ELMO1: variants seen among roughly 807,000 people sequenced by gnomAD.
ELMO1 encodes engulfment and cell motility 1.
ELMO1 carries 26 observed loss-of-function variants against 98.9 expected under a neutral mutation model. That is an observed-to-expected ratio of 0.26 (90% CI 0.19 to 0.36). ELMO1 has a LOEUF of 0.36. ELMO1 is among the 10% of genes least tolerant of loss of function. The pLI, the probability that ELMO1 is intolerant of heterozygous loss-of-function variation, is 1.00. For synonymous variants in ELMO1, 346 were observed against 346.0 expected (o/e 1.00, Z 0.00); for missense variants, 627 against 935.2 (o/e 0.67, Z 4.30).
intron 15 of ELMO1, among the ~76,000 whole-genome samples, chr7:37,037,514 T>A (rs1795256795): frequency 6.6e-6 from 1 of 152,162 alleles, no homozygotes; most frequent in Non-Finnish European, 1.5e-5. Flanking sequence ...TAGGAAGCAG[T>A]GCCAGGAATC....
intron 1 of ELMO1, among the ~76,000 whole-genome samples, chr7:37,444,958 ACGT>A (rs1461353715): frequency 1.3e-5 from 2 of 152,242 alleles, no homozygotes; most frequent in African/African-American, 2.4e-5. Context: ...GCCCTCTAGA[ACGT>A]CGTCATCAGA....
intron 16 of ELMO1, among the ~76,000 whole-genome samples, chr7:36,900,022 T>C (rs1051799193): frequency 3.3e-5 from 5 of 152,200 alleles, no homozygotes; most frequent in Admixed American, 1.3e-4. Flanking sequence ...GGACAGGGTA[T>C]TCCTGGGCCA....
chr7:37,302,848 A>G (rs1447964685), intron 4 of ELMO1, among the ~76,000 whole-genome samples: 2 of 152,150 alleles, frequency 1.3e-5, no homozygotes, highest in African/African-American at 4.8e-5. Context: ...CAATCAGACA[A>G]TAAATTATTG....
chr7:37,217,227 GTC>G (rs1403277624), intron 10 of ELMO1, among the ~76,000 whole-genome samples: 1 of 151,380 alleles, frequency 6.6e-6, no homozygotes, highest in Non-Finnish European at 1.5e-5. Flanking sequence ...AAGCTCTAGA[GTC>G]TACACTCACT....
intron 14 of ELMO1, among the ~76,000 whole-genome samples, chr7:37,121,947 C>T (rs1398425515): frequency 6.6e-6 from 1 of 152,202 alleles, no homozygotes; most frequent in Non-Finnish European, 1.5e-5. Context: ...TCGGCAGAAA[C>T]TCTACAAGCC....
intron 1 of ELMO1, among the ~76,000 whole-genome samples, chr7:37,426,142 CTTTT>C (rs36086006): frequency 2.4e-3 from 206 of 84,558 alleles, no homozygotes; most frequent in East Asian, 0.016. Flanking sequence ...TTTTTTCTTT[CTTTT>C]TTTTTTTTTT....
At chr7:36,898,093 A>G (rs1390494468) in intron 16 of ELMO1, among the ~76,000 whole-genome samples, 1 of 152,220 alleles carries the variant, frequency 6.6e-6, no homozygotes, top group East Asian at 1.9e-4. Flanking sequence ...TTTTTTAAGA[A>G]GACAAAAGAG....
intron 13 of ELMO1, among the ~76,000 whole-genome samples, chr7:37,182,915 C>T (rs1790973475): frequency 6.6e-6 from 1 of 152,180 alleles, no homozygotes. Flanking sequence ...TGTTTAGTTC[C>T]TCTTTCCCTC....
At chr7:36,912,289 A>T (rs917424523) in intron 16 of ELMO1, among the ~76,000 whole-genome samples, 1 of 152,204 alleles carries the variant, frequency 6.6e-6, no homozygotes, top group Non-Finnish European at 1.5e-5. Context: ...GTCAGTGGTT[A>T]TGTTAAAAAG....
intron 15 of ELMO1, among the ~76,000 whole-genome samples, chr7:37,053,956 T>C (rs189597913): frequency 6.6e-6 from 1 of 152,330 alleles, no homozygotes; most frequent in East Asian, 1.9e-4. Flanking sequence ...AAATAAATAC[T>C]CCTCTTGGTT....
chr7:36,902,491 C>T (rs74726848), intron 16 of ELMO1, among the ~76,000 whole-genome samples: 1,830 of 152,328 alleles, frequency 0.012, 16 homozygotes, highest in Non-Finnish European at 0.018. Context: ...TGGCATTTCA[C>T]AACCCAACCA....
chr7:36,936,398 T>C lies in ELMO1; in HGVS notation c.1438-41381A>G, dbSNP rs377391091. Among the ~76,000 whole-genome samples, 4 of 152,314 alleles carry C rather than the reference T, an allele frequency of 2.6e-5. No homozygotes were observed. The East Asian group carries it at 7.7e-4, about 29-fold the overall frequency. ...TACCACCCCTGGATTACGCTGGCCC[T>C]GAATTCTACCTTAGTCTGGCTTCTA... On this transcript the variant is annotated intron_variant, in intron 16 of 21. Transcript: ENST00000310758.
intron 14 of ELMO1, among the ~76,000 whole-genome samples, chr7:37,103,856 T>C: frequency 6.7e-6 from 1 of 148,886 alleles, no homozygotes; most frequent in African/African-American, 2.5e-5. Context: ...ATATATATAT[T>C]AGCCGGGCAT....
At chr7:37,032,522 C>A (rs1399913483) in intron 15 of ELMO1, among the ~76,000 whole-genome samples, 2 of 152,188 alleles carry the variant, frequency 1.3e-5, no homozygotes, top group East Asian at 3.9e-4. Flanking sequence ...TGGCACCCAA[C>A]GCTGGGCTCT....
At chr7:37,235,375 T>C (rs1263304677) in intron 7 of ELMO1, among the ~76,000 whole-genome samples, 2 of 152,222 alleles carry the variant, frequency 1.3e-5, no homozygotes, top group African/African-American at 4.8e-5. Context: ...CATAATAACA[T>C]ACAGCATGAG....
intron 1 of ELMO1, among the ~76,000 whole-genome samples, chr7:37,382,913 C>A (rs1802638476): frequency 6.6e-6 from 1 of 152,154 alleles, no homozygotes; most frequent in Non-Finnish European, 1.5e-5. Context: ...TGCAGGGCCC[C>A]AGGCCCAGAA....
intron 13 of ELMO1, among the ~76,000 whole-genome samples, chr7:37,204,614 GCTT>G (rs1309613115): frequency 1.3e-5 from 2 of 152,314 alleles, no homozygotes; most frequent in East Asian, 3.9e-4. Flanking sequence ...CAGGTGGCCT[GCTT>G]TTTTTTCCCT....
chr7:37,148,919 G>A (rs1788176340), intron 13 of ELMO1, among the ~76,000 whole-genome samples: 1 of 152,270 alleles, frequency 6.6e-6, no homozygotes. Context: ...TTCATCCCCA[G>A]GGAGAGCACA....
At chr7:37,357,727 G>A (rs889167759) in intron 1 of ELMO1, among the ~76,000 whole-genome samples, 2 of 152,104 alleles carry the variant, frequency 1.3e-5, no homozygotes, top group Admixed American at 1.3e-4. Context: ...CTTCCTTCTA[G>A]TTTTTATCTG....
Sources: gnomAD v4.1 joint callset for allele counts (sites outside exome capture counted in the v4.1 genomes callset) on GRCh38, gnomAD v4.1.1 for gene constraint, MANE v1.5 for transcripts, NCBI Gene and HGNC (gene_info 2026-07-23, HGNC 2026-07-21) for gene names.